Variants in SERGEF observed in about 807,000 individuals in gnomAD.
SERGEF encodes the protein secretion-regulating guanine nucleotide exchange factor.
In SERGEF, 51 loss-of-function variants were observed where a neutral mutation model predicts 50.0. That is an observed-to-expected ratio of 1.02 (90% confidence interval 0.81 to 1.29). The LOEUF is 1.29. SERGEF is among the 50% of genes most tolerant of loss of function. The probability of loss-of-function intolerance (pLI) is 0.00; values close to 1 mark genes in which losing one functional copy is unlikely to be tolerated. For synonymous variants in SERGEF, 205 were observed against 212.4 expected, an observed-to-expected ratio of 0.97 and a Z score of 0.30; for missense variants, 521 against 557.0, an observed-to-expected ratio of 0.94 and a Z score of 0.65.
At chr11:17,941,904 A>G (rs559426377) in intron 9 of SERGEF, among the ~76,000 whole-genome samples, 1 of 152,296 alleles carries the variant, frequency 6.6e-6, no homozygotes, top group African/African-American at 2.4e-5. Flanking sequence ...AACTTTTCAC[A>G]TAATCTTGGT....
chr11:17,802,172 A>G (rs909005255), intron 10 of SERGEF, among the ~76,000 whole-genome samples: 1 of 152,196 alleles, frequency 6.6e-6, no homozygotes, highest in Non-Finnish European at 1.5e-5. Flanking sequence ...GCATTCCCAG[A>G]GGATGCAGTG....
intron 9 of SERGEF, among the ~76,000 whole-genome samples, chr11:17,902,720 C>T (rs1851769525): frequency 6.6e-6 from 1 of 152,122 alleles, no homozygotes; most frequent in Non-Finnish European, 1.5e-5. Context: ...ACTTCAGAGA[C>T]AAACAAACAA....
chr11:18,002,715 T>C (rs1853991498), intron 4 of SERGEF, among the ~76,000 whole-genome samples: 1 of 152,234 alleles, frequency 6.6e-6, no homozygotes, highest in East Asian at 1.9e-4. Flanking sequence ...TTTATGTGCC[T>C]ATCATGTCCT....
chr11:17,959,384 C>T (rs1852943961), intron 9 of SERGEF, 86 bp downstream of exon 9: 3 of 1,257,666 alleles, frequency 2.4e-6, no homozygotes, highest in South Asian at 1.4e-5. Flanking sequence ...ATCCATAACG[C>T]CTGGCACACA....
At chr11:17,908,462 G>A (rs1240924772) in intron 9 of SERGEF, among the ~76,000 whole-genome samples, 4 of 151,896 alleles carry the variant, frequency 2.6e-5, no homozygotes, top group Non-Finnish European at 5.9e-5. Flanking sequence ...GATCCCCTCC[G>A]AGAAGACTGT....
At chr11:17,963,364 T>TAAAA (rs1174880141) in intron 8 of SERGEF, among the ~76,000 whole-genome samples, 21 of 49,874 alleles carry the variant, frequency 4.2e-4, no homozygotes, top group Non-Finnish European at 6.5e-4. Flanking sequence ...TTACTATTAG[T>TAAAA]AAAAAAAAAA....
chr11:17,812,033 T>A (rs1251826063), intron 10 of SERGEF, among the ~76,000 whole-genome samples: 1 of 152,098 alleles, frequency 6.6e-6, no homozygotes, highest in Non-Finnish European at 1.5e-5. Flanking sequence ...AGAGAAAAGG[T>A]CTGCCCACCA....
intron 2 of SERGEF, 120 bp from the exon 3 acceptor site, chr11:18,006,866 G>T: frequency 8.8e-7 from 1 of 1,133,720 alleles, no homozygotes; most frequent in Non-Finnish European, 1.3e-6. Context: ...TGCCATCCAA[G>T]TTAATAAGCT....
At chr11:17,809,409 A>T (rs1849826841) in intron 10 of SERGEF, among the ~76,000 whole-genome samples, 2 of 152,272 alleles carry the variant, frequency 1.3e-5, no homozygotes, top group African/African-American at 4.8e-5. Flanking sequence ...GAAGCCACTA[A>T]GGCTTTTGGA....
chr11:17,872,965 C>T (rs1851171919), intron 10 of SERGEF, among the ~76,000 whole-genome samples: 3 of 152,034 alleles, frequency 2.0e-5, no homozygotes, highest in South Asian at 4.1e-4. Flanking sequence ...TAAAAGGACA[C>T]TAGAAGGATA....
At chr11:17,956,962 C>G (rs2283237) in intron 9 of SERGEF, among the ~76,000 whole-genome samples, 49,904 of 152,038 alleles carry the variant, frequency 0.33, 9,444 homozygotes, top group East Asian at 0.5. Context: ...CTCTTGGCCT[C>G]GAGCAAATAC....
intron 10 of SERGEF, among the ~76,000 whole-genome samples, chr11:17,791,632 C>G (rs575034490): frequency 6.6e-6 from 1 of 152,324 alleles, no homozygotes; most frequent in African/African-American, 2.4e-5. Context: ...AACTCAGGCC[C>G]AAGAGCCAGA....
intron 8 of SERGEF, among the ~76,000 whole-genome samples, chr11:17,970,203 T>C (rs919995624): frequency 1.3e-5 from 2 of 152,226 alleles, no homozygotes; most frequent in African/African-American, 4.8e-5. Context: ...TCGAACAGCA[T>C]GTGTTCTGTG....
intron 8 of SERGEF, among the ~76,000 whole-genome samples, chr11:17,986,777 G>A (rs1280513507): frequency 6.6e-6 from 1 of 152,192 alleles, no homozygotes; most frequent in East Asian, 1.9e-4. Context: ...ATGCCTACCT[G>A]TGAACACCCA....
At chr11:18,003,755 A>C (rs936907527) in intron 4 of SERGEF, among the ~76,000 whole-genome samples, 3 of 152,210 alleles carry the variant, frequency 2.0e-5, no homozygotes, top group Non-Finnish European at 4.4e-5. Context: ...ATGCTGAAAT[A>C]ACAGGCAAAT....
chr11:17,988,729 T>C lies in SERGEF; in HGVS notation c.712A>G (p.Ser238Gly), dbSNP rs1181175432. The C allele has an allele frequency of 1.9e-6, 3 of 1,614,086 alleles. No individual in the cohort carries two copies. The highest frequency in any genetic ancestry group is 2.2e-5 in the South Asian group (2 of 91,064). ...TDAGEVYVWG[S>G]NKHGQLANEA... ...TTAGCCAGTTGCCCATGCTTGTTGC[T>C]TCCCCAAACATACACCTCTCCTGCA... Residue 238 changes from serine to glycine, a missense_variant, in exon 8 of 11, where the codon AGC (serine) becomes GGC (glycine). By Grantham distance (56) the Ser-to-Gly change is moderately conservative (BLOSUM62 0). Coordinates refer to ENST00000265965, the MANE Select transcript of SERGEF (RefSeq NM_012139.4).
chr11:17,907,804 G>A lies in SERGEF; in HGVS notation c.1012-29560C>T, dbSNP rs751474050. On this transcript the variant is annotated intron_variant, in intron 9 of 10. Coordinates refer to ENST00000265965, the MANE Select transcript of SERGEF (RefSeq NM_012139.4). ...AGAGGGAAGATGGGGTAGGGAAAGG[G>A]AAATTGATAGTTAACTAGGAAACAA... 3.3e-5 allele frequency among the ~76,000 whole-genome samples: 5 copies of A among 152,338 alleles called. No individual in the cohort carries two copies. The South Asian group carries it at 1.0e-3, about 32-fold the overall frequency.
At chr11:17,875,234 C>T (rs372709106) in intron 10 of SERGEF, among the ~76,000 whole-genome samples, 46 of 152,342 alleles carry the variant, frequency 3.0e-4, no homozygotes, top group African/African-American at 1.1e-3. Context: ...GACAGCTCTA[C>T]TATTTATTGC....
At chr11:17,837,631 C>A (rs1850424604) in intron 10 of SERGEF, among the ~76,000 whole-genome samples, 1 of 150,338 alleles carries the variant, frequency 6.7e-6, no homozygotes, top group Non-Finnish European at 1.5e-5. Flanking sequence ...ATACAGCCTG[C>A]AGAACTATAA....
Sources: gnomAD v4.1 joint callset for allele counts (sites outside exome capture counted in the v4.1 genomes callset) on GRCh38, gnomAD v4.1.1 for gene constraint, MANE v1.5 for transcripts, NCBI Gene and HGNC (gene_info 2026-07-23, HGNC 2026-07-21) for gene names.